The following KCNAB1 variants were observed in gnomAD, a reference collection of about 807,000 sequenced individuals.
The protein encoded by KCNAB1 is voltage-gated potassium channel subunit beta-1.
Under a neutral mutation model 64.6 loss-of-function variants are expected in KCNAB1, and 35 were observed. The observed-to-expected ratio is 0.54, with a 90% CI of 0.41 to 0.72. The LOEUF is 0.72. Among genes scored for constraint, KCNAB1 ranks in the 30% least tolerant of loss-of-function variants. KCNAB1 has a pLI of 0.00. For synonymous variants in KCNAB1, 177 were observed against 183.8 expected, an observed-to-expected ratio of 0.96 and a Z score of 0.30; for missense variants, 401 against 512.9, an observed-to-expected ratio of 0.78 and a Z score of 2.11.
At chr3:156,142,738 G>C (rs1444496584) in intron 1 of KCNAB1, among the ~76,000 whole-genome samples, 1 of 152,136 alleles carries the variant, frequency 6.6e-6, no homozygotes, top group Non-Finnish European at 1.5e-5. Flanking sequence ...TAATAATTTA[G>C]AGAAGTCTCA....
chr3:156,288,840 A>T (rs1359389450), intron 1 of KCNAB1, among the ~76,000 whole-genome samples: 1 of 152,250 alleles, frequency 6.6e-6, no homozygotes, highest in Admixed American at 6.5e-5. Context: ...GGCTGTGCTT[A>T]AACTAGAACG....
At chr3:156,448,588 C>T (rs1403270628) in intron 2 of KCNAB1, among the ~76,000 whole-genome samples, 1 of 152,106 alleles carries the variant, frequency 6.6e-6, no homozygotes, top group Admixed American at 6.6e-5. Context: ...GGCATTTCAG[C>T]CAAGGAGAAA....
chr3:156,294,543 G>T (rs1315454222), intron 1 of KCNAB1, among the ~76,000 whole-genome samples: 1 of 152,152 alleles, frequency 6.6e-6, no homozygotes, highest in African/African-American at 2.4e-5. Flanking sequence ...ACTTTTATTA[G>T]CTAAATTATC....
chr3:156,310,310 T>G lies in KCNAB1; in HGVS notation c.276-111306T>G, dbSNP rs1036914548. On this transcript the variant is annotated intron_variant, in intron 1 of 13. Transcript: ENST00000490337. ...TCTTGATAGTTTTCAAGCCACTGGC[T>G]GCTGTAGGGTGTGGAGGAAGGGTCA... is the stretch of plus-strand genomic sequence containing the variant. Among the ~76,000 whole-genome samples the G allele has an allele frequency of 4.6e-5, 7 of 152,140 alleles. No homozygotes were observed. In the South Asian group the frequency reaches 6.2e-4, roughly 14 times the overall value.
chr3:156,213,947 G>A (rs1715163009), intron 1 of KCNAB1, among the ~76,000 whole-genome samples: 1 of 152,104 alleles, frequency 6.6e-6, no homozygotes, highest in Non-Finnish European at 1.5e-5. Flanking sequence ...GGAGGGGAGA[G>A]GGGCTGGAGA....
In KCNAB1 at chr3:156,536,680, A is replaced by G. The variant is rs751211267; in HGVS notation, c.1193A>G (p.His398Arg). ...CAGGTTCTCCCAAAGATGACATCAC[A>G]TGTGGTAAATGAGATTGATAACATA... Reference protein sequence around the residue: ...AIQVLPKMTSHVVNEIDNILR... With the variant: ...AIQVLPKMTSRVVNEIDNILR... The change falls in exon 14 of 14, where the codon CAT (histidine) becomes CGT (arginine). Residue 398 changes from histidine to arginine, a missense_variant. By Grantham distance (29) the His-to-Arg change is conservative. Coordinates refer to ENST00000490337, the MANE Select transcript of KCNAB1 (RefSeq NM_172160.3). 12 of 1,612,614 alleles carry G rather than the reference A, an allele frequency of 7.4e-6. No homozygotes were observed. The highest frequency in any genetic ancestry group is 2.7e-5 in the African/African-American group (2 of 74,928).
At chr3:156,408,765 G>T (rs1224913985) in intron 1 of KCNAB1, among the ~76,000 whole-genome samples, 1 of 151,708 alleles carries the variant, frequency 6.6e-6, no homozygotes, top group African/African-American at 2.4e-5. Flanking sequence ...GGGTGACAGA[G>T]TGAGACTCCA....
chr3:156,494,569 G>T (rs1472307107), intron 8 of KCNAB1, among the ~76,000 whole-genome samples: 2 of 152,164 alleles, frequency 1.3e-5, no homozygotes, highest in Non-Finnish European at 2.9e-5. Context: ...TTCTGTATCT[G>T]TCCTGTCAAA....
chr3:156,468,888 C>T (rs1185353646), intron 7 of KCNAB1, among the ~76,000 whole-genome samples: 2 of 152,226 alleles, frequency 1.3e-5, no homozygotes, highest in African/African-American at 2.4e-5. Flanking sequence ...AGCTGCCTCT[C>T]AAAGCTGTTA....
At chr3:156,348,678 T>A (rs1724661020) in intron 1 of KCNAB1, among the ~76,000 whole-genome samples, 1 of 152,216 alleles carries the variant, frequency 6.6e-6, no homozygotes, top group Non-Finnish European at 1.5e-5. Context: ...TGCTCTGATC[T>A]GAAGAAATAA....
intron 1 of KCNAB1, among the ~76,000 whole-genome samples, chr3:156,352,644 C>T (rs1049565614): frequency 6.6e-6 from 1 of 152,194 alleles, no homozygotes; most frequent in African/African-American, 2.4e-5. Flanking sequence ...CAAAGTCTCC[C>T]TGTGACATCT....
intron 8 of KCNAB1, among the ~76,000 whole-genome samples, chr3:156,499,758 G>A (rs901273031): frequency 3.9e-5 from 6 of 152,030 alleles, no homozygotes; most frequent in Non-Finnish European, 8.8e-5. Flanking sequence ...ATACGGCTGT[G>A]GCAAAACATA....
intron 1 of KCNAB1, among the ~76,000 whole-genome samples, chr3:156,272,572 T>C (rs1436658308): frequency 1.3e-5 from 2 of 151,978 alleles, no homozygotes; most frequent in African/African-American, 4.8e-5. Flanking sequence ...TTGTGGTGAA[T>C]GCTGCCAGGC....
intron 1 of KCNAB1, among the ~76,000 whole-genome samples, chr3:156,144,350 A>G (rs1300374682): frequency 6.6e-6 from 1 of 152,258 alleles, no homozygotes; most frequent in Non-Finnish European, 1.5e-5. Context: ...ATTTCAGTGT[A>G]GTAGCTGCTG....
chr3:156,430,410 A>G lies in KCNAB1; in HGVS notation c.319+8751A>G, dbSNP rs191822857. On this transcript the variant is annotated intron_variant, in intron 2 of 13. Transcript: ENST00000490337. ...AGGGATAAGTAGCCCTCATTTGCCA[A>G]CCTATGATTCAAAAATGAAACAAGT... 5.9e-5 allele frequency among the ~76,000 whole-genome samples: 9 copies of G among 152,314 alleles called. No homozygotes were observed. In the East Asian group the frequency reaches 1.7e-3, roughly 29 times the overall value.
intron 12 of KCNAB1, among the ~76,000 whole-genome samples, chr3:156,528,537 G>A (rs918937169): frequency 2.0e-5 from 3 of 152,210 alleles, no homozygotes; most frequent in African/African-American, 7.2e-5. Context: ...GGGAACAGGG[G>A]ATAAGGGAAT....
intron 1 of KCNAB1, among the ~76,000 whole-genome samples, chr3:156,250,340 C>T (rs935628053): frequency 4.6e-5 from 7 of 152,142 alleles, no homozygotes; most frequent in African/African-American, 1.7e-4. Context: ...TCTTCAAAGC[C>T]TGTTTTACAA....
chr3:156,133,035 T>C (rs1249415428), intron 1 of KCNAB1, among the ~76,000 whole-genome samples: 1 of 151,956 alleles, frequency 6.6e-6, no homozygotes, highest in Admixed American at 6.5e-5. Flanking sequence ...TTTGAAATAT[T>C]TCCTTAAAAA....
upstream of KCNAB1, among the ~76,000 whole-genome samples, chr3:156,120,190 T>TG (rs1412083989): frequency 6.6e-6 from 1 of 152,214 alleles, no homozygotes; most frequent in African/African-American, 2.4e-5. Flanking sequence ...GGGACTCTAA[T>TG]CAGGAATGGC....
Sources: allele counts gnomAD v4.1 joint callset (sites outside exome capture counted in the v4.1 genomes callset), GRCh38; gene constraint gnomAD v4.1.1; transcripts MANE v1.5; gene names NCBI Gene and HGNC (gene_info 2026-07-23, HGNC 2026-07-21).